The following FAM228B variants were observed in gnomAD, a reference collection of about 807,000 sequenced individuals.
The protein encoded by FAM228B is protein FAM228B.
A neutral mutation model predicts 42.6 loss-of-function variants in FAM228B; 38 were observed. That is an observed-to-expected ratio of 0.89 (90% CI 0.69 to 1.17). The LOEUF (loss-of-function observed/expected upper bound fraction) is 1.17, where lower values mean the gene tolerates loss of function less well. Among genes scored for constraint, FAM228B ranks in the 50% most tolerant of loss-of-function variants. The pLI, the probability that FAM228B is intolerant of heterozygous loss-of-function variation, is 0.00. For missense variants in FAM228B, 344 were observed against 367.3 expected (o/e 0.94, Z 0.52); for synonymous variants, 109 against 122.3 (o/e 0.89, Z 0.72).
At chr2:24,167,259 T>A (rs1667442434) in intron 9 of FAM228B, among the ~76,000 whole-genome samples, 1 of 152,012 alleles carries the variant, frequency 6.6e-6, no homozygotes, top group African/African-American at 2.4e-5. Context: ...AGCGTGGAAG[T>A]GGGTGAAAGC....
rs1338413504 is a variant in FAM228B, at chr2:24,146,958, A to G, written c.558A>G (p.Lys186=). 6.4e-7 allele frequency: 1 copy of G among 1,551,464 alleles called. No individual in the cohort carries two copies. Among genetic ancestry groups the G allele is most frequent in the Non-Finnish European group, 8.7e-7 (1 of 1,146,820 alleles). The change falls in exon 7 of 11, where the codon AAA becomes AAG. Residue 186 remains lysine, a synonymous_variant. Transcript: ENST00000615575. ...AAATATATTCAATAAAGGAATTCAAAGAAGTTGAGAAGGTTCAGCTGCATT... is the reference window on the plus strand; with the variant it reads ...AAATATATTCAATAAAGGAATTCAAGGAAGTTGAGAAGGTTCAGCTGCATT... ...TGKIYSIKEF[K]EVEKVQLHSR... is the part of the protein sequence containing the mutation.
upstream of FAM228B, among the ~76,000 whole-genome samples, chr2:24,120,762 C>T (rs1369074263): frequency 6.6e-6 from 1 of 152,010 alleles, no homozygotes; most frequent in Non-Finnish European, 1.5e-5. Flanking sequence ...ACCATGTTAG[C>T]TAGGCTGGTC....
rs115736708 is a variant in FAM228B at position 24,153,135 on chromosome 2, G to A, written c.686+6049G>A. ...GGGCAGGTCCAGAAATGCGGTCCAA[G>A]AGCCCAGGCCCAGACTCAGGGACCC... On this transcript the variant is annotated intron_variant, in intron 7 of 10. Coordinates refer to ENST00000615575, the MANE Select transcript of FAM228B (RefSeq NM_001145710.2). Among the ~76,000 whole-genome samples the A allele has an allele frequency of 9.5e-3, 1,453 of 152,286 alleles. 30 individuals carry two copies. The highest frequency in any genetic ancestry group is 0.033 in the African/African-American group (1,382 of 41,560).
intron 2 of FAM228B, among the ~76,000 whole-genome samples, chr2:24,094,104 A>G (rs1275180542): frequency 7.3e-6 from 1 of 137,252 alleles, no homozygotes; most frequent in Non-Finnish European, 1.5e-5. Flanking sequence ...CAGTGGCACC[A>G]TCATAGCTTA....
chr2:24,086,234 C>CAAAAAAAAAAA (rs57641176), intron 2 of FAM228B, among the ~76,000 whole-genome samples: 2 of 63,942 alleles, frequency 3.1e-5, no homozygotes, highest in African/African-American at 6.0e-5. Context: ...GACTCCGTCT[C>CAAAAAAAAAAA]AAAAAAAAAA....
intron 3 of FAM228B, among the ~76,000 whole-genome samples, chr2:24,137,687 G>C (rs1251313440): frequency 1.3e-5 from 2 of 152,140 alleles, no homozygotes; most frequent in Non-Finnish European, 2.9e-5. Context: ...TTTCTCCCCA[G>C]GGAGAGCAGG....
chr2:24,113,623 T>C (rs1488242822), intron 3 of FAM228B, among the ~76,000 whole-genome samples: 1 of 152,010 alleles, frequency 6.6e-6, no homozygotes, highest in East Asian at 1.9e-4. Context: ...AGGCCTGTAA[T>C]CCCACCACTT....
chr2:24,094,323 C>T (rs1665453088), intron 2 of FAM228B, among the ~76,000 whole-genome samples: 1 of 152,056 alleles, frequency 6.6e-6, no homozygotes, highest in South Asian at 2.1e-4. Flanking sequence ...CTTCCTGCCT[C>T]CATCTACCAA....
chr2:24,164,963 A>C (rs1290644846), intron 9 of FAM228B, among the ~76,000 whole-genome samples: 1 of 152,040 alleles, frequency 6.6e-6, no homozygotes, highest in Non-Finnish European at 1.5e-5. Flanking sequence ...GGATCCCGGG[A>C]AAAAACTCAG....
At position 24,078,480 on chromosome 2, in the gene FAM228B, TAAAA is replaced by T. The variant is rs36089798; in HGVS notation, c.-290+1531_-290+1534del. On this transcript the variant is annotated intron_variant, in intron 1 of 10. Transcript: ENST00000613899. ...GTGACAGAGTAAGACCCTGTCTCCATAAAAAAAAAAAAAAAAAAAAAAAGTACAT... is the reference window on the plus strand; with the variant it reads ...GTGACAGAGTAAGACCCTGTCTCCATAAAAAAAAAAAAAAAAAAAGTACAT... Among the ~76,000 whole-genome samples, 1,005 of 104,910 alleles carry T rather than the reference TAAAA, an allele frequency of 9.6e-3. 5 individuals are homozygous for T. The highest frequency in any genetic ancestry group is 0.013 in the Non-Finnish European group (685 of 52,642). The allele number at this position is 104,910 out of a possible 152,430, so 68.8% of individuals were successfully genotyped here.
At chr2:24,144,306 G>A (rs149206288) in intron 5 of FAM228B, among the ~76,000 whole-genome samples, 39 of 151,892 alleles carry the variant, frequency 2.6e-4, no homozygotes, top group Admixed American at 9.8e-4. Flanking sequence ...TGGACATGGC[G>A]CACACCTGTG....
At chr2:24,105,294 A>C (rs913311302) in intron 3 of FAM228B, among the ~76,000 whole-genome samples, 1 of 152,230 alleles carries the variant, frequency 6.6e-6, no homozygotes, top group Admixed American at 6.5e-5. Context: ...AGAACACCCC[A>C]AAAAAGAAAT....
intron 7 of FAM228B, 97 bp downstream of exon 7, chr2:24,147,183 A>T (rs1666916422): frequency 1.1e-6 from 1 of 896,574 alleles, no homozygotes; most frequent in Non-Finnish European, 1.6e-6. Flanking sequence ...TTTTAAAATT[A>T]TCATTTTTCT....
chr2:24,140,700 G>A (rs962253731), intron 5 of FAM228B, among the ~76,000 whole-genome samples: 1 of 151,862 alleles, frequency 6.6e-6, no homozygotes, highest in Non-Finnish European at 1.5e-5. Context: ...AGTGGCTCAT[G>A]CCTGTAATCC....
chr2:24,097,716 C>G (rs1665529325), intron 3 of FAM228B, among the ~76,000 whole-genome samples: 2 of 152,112 alleles, frequency 1.3e-5, no homozygotes, highest in Non-Finnish European at 1.5e-5. Context: ...CAATATTAGA[C>G]AGATCAACGA....
chr2:24,142,342 G>T (rs1446192724), intron 5 of FAM228B: 2 of 152,154 alleles, frequency 1.3e-5, no homozygotes, highest in African/African-American at 4.8e-5. Context: ...TCCTTTCCTG[G>T]GAGTGGGACA....
At chr2:24,104,359 T>C (rs2150997190) in intron 3 of FAM228B, among the ~76,000 whole-genome samples, 1 of 152,340 alleles carries the variant, frequency 6.6e-6, no homozygotes, top group South Asian at 2.1e-4. Context: ...TCTATAAGCC[T>C]TGGGCCCTGG....
intron 2 of FAM228B, among the ~76,000 whole-genome samples, chr2:24,090,811 G>T: frequency 6.6e-6 from 1 of 151,988 alleles, no homozygotes; most frequent in East Asian, 1.9e-4. Flanking sequence ...TTTTTTAAAA[G>T]ACAAGGTCTC....
chr2:24,099,354 A>G (rs959092219), intron 3 of FAM228B, among the ~76,000 whole-genome samples: 18 of 152,322 alleles, frequency 1.2e-4, no homozygotes, highest in African/African-American at 4.3e-4. Flanking sequence ...AGATGACATG[A>G]TTGTATATTT....
Sources: gnomAD v4.1 joint callset for allele counts (sites outside exome capture counted in the v4.1 genomes callset) on GRCh38, gnomAD v4.1.1 for gene constraint, MANE v1.5 for transcripts, NCBI Gene and HGNC (gene_info 2026-07-23, HGNC 2026-07-21) for gene names.